KAZN: variants seen among roughly 807,000 people sequenced by gnomAD.
The protein encoded by KAZN is kazrin, periplakin interacting protein, also known as kazrin.
A neutral mutation model predicts 87.4 loss-of-function variants in KAZN; 40 were observed. That is an observed-to-expected ratio of 0.46 (90% CI 0.36 to 0.60). KAZN has a LOEUF of 0.60. Ranked by LOEUF, KAZN falls within the 20% of genes least tolerant of loss-of-function variation. KAZN has a pLI of 0.00. For missense variants in KAZN, 898 were observed against 1,073.9 expected, an observed-to-expected ratio of 0.84 and a Z score of 2.29; for synonymous variants, 466 against 458.3, an observed-to-expected ratio of 1.02 and a Z score of -0.22.
chr1:14,005,034 C>T (rs1461149297), intron 1 of KAZN, among the ~76,000 whole-genome samples: 1 of 152,212 alleles, frequency 6.6e-6, no homozygotes, highest in African/African-American at 2.4e-5. Flanking sequence ...TTTAGACTTT[C>T]CAGCCTCCAT....
intron 2 of KAZN, among the ~76,000 whole-genome samples, chr1:14,405,419 T>G (rs977257573): frequency 2.0e-5 from 3 of 152,160 alleles, no homozygotes; most frequent in African/African-American, 7.2e-5. Flanking sequence ...TAAGATCCAC[T>G]TTGAGTCTTG....
At chr1:14,305,955 T>C (rs992732362) in intron 2 of KAZN, among the ~76,000 whole-genome samples, 1 of 152,132 alleles carries the variant, frequency 6.6e-6, no homozygotes, top group Admixed American at 6.5e-5. Flanking sequence ...GGAAACCCCA[T>C]GAGAGTTTAG....
At chr1:14,039,021 A>T (rs1003301642) in intron 1 of KAZN, among the ~76,000 whole-genome samples, 7 of 152,044 alleles carry the variant, frequency 4.6e-5, no homozygotes, top group Admixed American at 2.0e-4. Flanking sequence ...CACACAAAAA[A>T]TTAGCTGGGC....
At chr1:14,528,128 T>A (rs543137460) in intron 2 of KAZN, among the ~76,000 whole-genome samples, 27 of 151,690 alleles carry the variant, frequency 1.8e-4, no homozygotes, top group Non-Finnish European at 3.4e-4. Context: ...CCTCACAGTA[T>A]AGCAACTCAT....
chr1:14,849,057 C>T (rs1288251684), intron 1 of KAZN, among the ~76,000 whole-genome samples: 1 of 152,160 alleles, frequency 6.6e-6, no homozygotes, highest in Non-Finnish European at 1.5e-5. Context: ...ATTTTACAGA[C>T]CAGCGAACTG....
At chr1:13,918,454 C>T (rs1639940696) in intron 1 of KAZN, among the ~76,000 whole-genome samples, 1 of 152,132 alleles carries the variant, frequency 6.6e-6, no homozygotes, top group African/African-American at 2.4e-5. Context: ...GAAGTTGCTT[C>T]TTAAGTGGTT....
chr1:14,625,705 T>G (rs1309684505), intron 1 of KAZN, among the ~76,000 whole-genome samples: 3 of 152,218 alleles, frequency 2.0e-5, no homozygotes, highest in African/African-American at 7.2e-5. Context: ...TTCAAAAGTC[T>G]CTCGATTCAG....
At chr1:14,243,143 T>C (rs1057280941) in intron 2 of KAZN, among the ~76,000 whole-genome samples, 3 of 152,106 alleles carry the variant, frequency 2.0e-5, no homozygotes, top group Non-Finnish European at 2.9e-5. Context: ...CACACACACA[T>C]ACTGTGTTTC....
At chr1:14,172,356 A>C (rs566739102) in intron 1 of KAZN, among the ~76,000 whole-genome samples, 18 of 152,328 alleles carry the variant, frequency 1.2e-4, no homozygotes, top group African/African-American at 4.3e-4. Context: ...AGTGGAGTGG[A>C]GTTGGCTTTT....
At chr1:14,024,687 G>T (rs1306557104) in intron 1 of KAZN, among the ~76,000 whole-genome samples, 1 of 152,178 alleles carries the variant, frequency 6.6e-6, no homozygotes, top group Non-Finnish European at 1.5e-5. Flanking sequence ...ATCCAAGCTG[G>T]TAGGGTTTGG....
intron 2 of KAZN, among the ~76,000 whole-genome samples, chr1:14,217,082 T>C (rs2100479672): frequency 6.6e-6 from 1 of 152,268 alleles, no homozygotes; most frequent in South Asian, 2.1e-4. Flanking sequence ...AGGGGGACTA[T>C]GCTCTTATAA....
At chr1:14,665,932 C>CAA (rs60081619) in intron 1 of KAZN, among the ~76,000 whole-genome samples, 3,981 of 107,960 alleles carry the variant, frequency 0.037, 309 homozygotes, top group African/African-American at 0.13. Flanking sequence ...AAGCTTTGCT[C>CAA]AAAAAAAAAA....
intron 2 of KAZN, among the ~76,000 whole-genome samples, chr1:14,531,685 T>G (rs2148481349): frequency 6.6e-6 from 1 of 152,330 alleles, no homozygotes; most frequent in Admixed American, 6.5e-5. Flanking sequence ...TTCTCAATTT[T>G]TCTTATCTGT....
intron 1 of KAZN, among the ~76,000 whole-genome samples, chr1:14,144,928 T>A (rs888956798): frequency 4.6e-5 from 7 of 152,174 alleles, no homozygotes; most frequent in African/African-American, 1.7e-4. Context: ...TAGCCTTCCA[T>A]CAGGCCCCAC....
intron 1 of KAZN, among the ~76,000 whole-genome samples, chr1:13,930,315 A>G (rs1410161129): frequency 6.6e-6 from 1 of 152,212 alleles, no homozygotes; most frequent in African/African-American, 2.4e-5. Context: ...CATGCAGTAG[A>G]CCTGAACCCC....
intron 1 of KAZN, among the ~76,000 whole-genome samples, chr1:14,700,799 G>A (rs562465859): frequency 6.6e-5 from 10 of 152,214 alleles, no homozygotes; most frequent in South Asian, 2.1e-4. Context: ...TCCTGGTCAC[G>A]GAGCCAGAAA....
chr1:14,235,256 G>A (rs1294443389), intron 2 of KAZN, among the ~76,000 whole-genome samples: 2 of 152,108 alleles, frequency 1.3e-5, no homozygotes, highest in African/African-American at 2.4e-5. Flanking sequence ...TAAACAAAAT[G>A]TGATATAACC....
intron 8 of KAZN, among the ~76,000 whole-genome samples, chr1:15,085,239 G>A (rs1640194394): frequency 6.6e-6 from 1 of 152,132 alleles, no homozygotes; most frequent in African/African-American, 2.4e-5. Flanking sequence ...TAGCCCACAT[G>A]TTCTTAGATT....
chr1:15,104,547 T>A (rs1641228314), intron 13 of KAZN, among the ~76,000 whole-genome samples: 1 of 152,054 alleles, frequency 6.6e-6, no homozygotes, highest in Non-Finnish European at 1.5e-5. Context: ...GCCTAATAGG[T>A]TGAGTTGGTT....
Sources: allele counts gnomAD v4.1 joint callset (sites outside exome capture counted in the v4.1 genomes callset), GRCh38; gene constraint gnomAD v4.1.1; transcripts MANE v1.5; gene names NCBI Gene and HGNC (gene_info 2026-07-23, HGNC 2026-07-21).